The following TANC1 variants were observed in gnomAD, a reference collection of about 807,000 sequenced individuals.
TANC1 encodes the protein protein TANC1.
Under a neutral mutation model 149.7 loss-of-function variants are expected in TANC1, and 77 were observed. That is an observed-to-expected ratio of 0.51 (90% CI 0.43 to 0.62). TANC1 has a LOEUF of 0.62. Among genes scored for constraint, TANC1 ranks in the 20% least tolerant of loss-of-function variants. The pLI is 0.00. For missense variants in TANC1, 1,985 were observed against 2,321.8 expected (o/e 0.85, Z 2.98); for synonymous variants, 854 against 925.0 (o/e 0.92, Z 1.39).
chr2:159,196,839 C>G (rs1212078438), intron 18 of TANC1, 46 bp downstream of exon 18: 1 of 1,541,494 alleles, frequency 6.5e-7, no homozygotes, highest in Admixed American at 2.0e-5. Context: ...GAAGCTGTAG[C>G]CCAGCAAGTC....
At chr2:159,096,264 T>A (rs2046119114) in intron 3 of TANC1, among the ~76,000 whole-genome samples, 1 of 150,640 alleles carries the variant, frequency 6.6e-6, no homozygotes, top group Non-Finnish European at 1.5e-5. Context: ...GAGGAAAATG[T>A]GTTATCTGAA....
chr2:159,121,627 A>T (rs1186188519), intron 4 of TANC1, among the ~76,000 whole-genome samples: 4 of 152,230 alleles, frequency 2.6e-5, no homozygotes, highest in African/African-American at 9.6e-5. Flanking sequence ...CCCAGCAGTT[A>T]CGAGAAAGGC....
intron 4 of TANC1, among the ~76,000 whole-genome samples, chr2:159,120,619 C>A (rs2048751643): frequency 6.6e-6 from 1 of 152,104 alleles, no homozygotes; most frequent in African/African-American, 2.4e-5. Flanking sequence ...GAATGAATTT[C>A]ACTTAAAGCT....
intron 2 of TANC1, among the ~76,000 whole-genome samples, chr2:159,039,327 A>G (rs2040446401): frequency 6.6e-6 from 1 of 152,106 alleles, no homozygotes; most frequent in South Asian, 2.1e-4. Flanking sequence ...TTATTTTTGA[A>G]GGGTTTTTTA....
intron 2 of TANC1, among the ~76,000 whole-genome samples, chr2:159,041,581 C>G (rs896075470): frequency 1.3e-5 from 2 of 152,238 alleles, no homozygotes; most frequent in East Asian, 3.9e-4. Context: ...GGGAGCGGGA[C>G]CCGCTGAGCC....
chr2:159,135,681 T>C (rs913369005), intron 4 of TANC1, among the ~76,000 whole-genome samples: 3 of 152,220 alleles, frequency 2.0e-5, no homozygotes, highest in African/African-American at 7.2e-5. Flanking sequence ...ATGCCTGTGT[T>C]CTTGTGGCTG....
In TANC1 at chr2:159,231,114, T is replaced by G; in HGVS notation, c.*102T>G. ...CAGAAAAATTATTTTTTAGCCATTT[T>G]TTTTCTTTGGGGTGGATCTGATGCC... On this transcript the variant is annotated 3_prime_UTR_variant, in exon 27 of 27. Transcript: ENST00000263635. 3 of 1,039,492 alleles carry G rather than the reference T, an allele frequency of 2.9e-6. No homozygotes were observed. Among genetic ancestry groups the G allele is most frequent in the Non-Finnish European group, 4.1e-6 (3 of 726,742 alleles). The allele number at this position is 1,039,492 out of a possible 1,614,324, so 64.4% of individuals were successfully genotyped here. A position where few individuals can be genotyped will look rare whatever the true frequency, so the allele number is the denominator to read the frequency against.
intron 22 of TANC1, among the ~76,000 whole-genome samples, chr2:159,223,998 C>T (rs780852483): frequency 1.3e-5 from 2 of 152,202 alleles, no homozygotes; most frequent in Non-Finnish European, 2.9e-5. Flanking sequence ...CCTGTGGTAG[C>T]GTGTCCCCTG....
At chr2:159,180,908 C>A (rs2056403927) in intron 14 of TANC1, among the ~76,000 whole-genome samples, 1 of 152,102 alleles carries the variant, frequency 6.6e-6, no homozygotes, top group South Asian at 2.1e-4. Context: ...ATGTGGACCT[C>A]ACAAGAGGGA....
intron 2 of TANC1, among the ~76,000 whole-genome samples, chr2:159,035,066 G>T (rs1348316326): frequency 6.6e-6 from 1 of 152,200 alleles, no homozygotes; most frequent in East Asian, 1.9e-4. Context: ...GAGGCCCAGT[G>T]CTAGGCTTTA....
At chr2:159,065,128 T>C (rs551968628) in intron 2 of TANC1, among the ~76,000 whole-genome samples, 1 of 152,336 alleles carries the variant, frequency 6.6e-6, no homozygotes, top group South Asian at 2.1e-4. Flanking sequence ...GGTCCTTTTG[T>C]CTGTCTCTTG....
At chr2:159,109,013 T>G (rs1051900992) in intron 4 of TANC1, among the ~76,000 whole-genome samples, 1 of 152,200 alleles carries the variant, frequency 6.6e-6, no homozygotes, top group Non-Finnish European at 1.5e-5. Flanking sequence ...AAAGGAGATG[T>G]GATTTTCTTG....
intron 4 of TANC1, among the ~76,000 whole-genome samples, chr2:159,134,112 C>A (rs2050399184): frequency 6.6e-6 from 1 of 152,156 alleles, no homozygotes; most frequent in South Asian, 2.1e-4. Context: ...GCCCCTGGGA[C>A]TGTCAGGGCT....
intron 1 of TANC1, among the ~76,000 whole-genome samples, chr2:158,971,799 T>G (rs2032923137): frequency 6.6e-6 from 1 of 152,234 alleles, no homozygotes; most frequent in Admixed American, 6.5e-5. Context: ...TTACACATTT[T>G]ATCCCTAACC....
intron 2 of TANC1, among the ~76,000 whole-genome samples, chr2:159,015,341 G>A (rs2038162019): frequency 6.6e-6 from 1 of 152,170 alleles, no homozygotes; most frequent in African/African-American, 2.4e-5. Context: ...CTTGGACACA[G>A]GGCAACAACT....
intron 4 of TANC1, among the ~76,000 whole-genome samples, chr2:159,129,501 C>T (rs1324020082): frequency 1.3e-5 from 2 of 152,018 alleles, no homozygotes; most frequent in Non-Finnish European, 1.5e-5. Flanking sequence ...CTGGCCACAT[C>T]CTTCCAGACT....
chr2:159,169,405 T>G (rs755815296), intron 9 of TANC1, 33 bp downstream of exon 9: 22 of 1,608,284 alleles, frequency 1.4e-5, no homozygotes, highest in Non-Finnish European at 1.9e-5. Context: ...CGATAATGGT[T>G]ATGACTAACT....
At chr2:159,131,185 A>G (rs910815716) in intron 4 of TANC1, among the ~76,000 whole-genome samples, 2 of 152,130 alleles carry the variant, frequency 1.3e-5, no homozygotes, top group African/African-American at 4.8e-5. Context: ...ATCAGTCTGC[A>G]TGTAGAATAT....
intron 3 of TANC1, among the ~76,000 whole-genome samples, chr2:159,080,887 C>A (rs934722856): frequency 3.9e-5 from 6 of 152,210 alleles, no homozygotes; most frequent in Admixed American, 1.3e-4. Flanking sequence ...CAACTCCTGA[C>A]CAGCAGGTAG....
Sources: gnomAD v4.1 joint callset for allele counts (sites outside exome capture counted in the v4.1 genomes callset) on GRCh38, gnomAD v4.1.1 for gene constraint, MANE v1.5 for transcripts, NCBI Gene and HGNC (gene_info 2026-07-23, HGNC 2026-07-21) for gene names.